Variants in TTK observed in about 807,000 individuals in gnomAD.
The protein encoded by TTK is dual specificity protein kinase TTK.
Under a neutral mutation model 117.3 loss-of-function variants are expected in TTK, and 59 were observed. The observed-to-expected ratio is 0.50, with a 90% confidence interval of 0.41 to 0.62. The LOEUF (loss-of-function observed/expected upper bound fraction) is 0.62, where lower values mean the gene tolerates loss of function less well. Among genes scored for constraint, TTK ranks in the 20% least tolerant of loss-of-function variants. TTK has a pLI of 0.00. For missense variants in TTK, 921 were observed against 989.4 expected, an observed-to-expected ratio of 0.93 and a Z score of 0.93; for synonymous variants, 302 against 325.0, an observed-to-expected ratio of 0.93 and a Z score of 0.76.
rs1235348613 is a variant in TTK at position 80,027,891 on chromosome 6, A to G, written c.1401A>G (p.Arg467=). ...NTLDDYMSCF[R]TPVVKNDFPP... is the part of the protein sequence containing the mutation. ...ATATATATATATTTCCTAGTTTTAG[A>G]ACTCCAGTTGTAAAGAATGACTTTC... Residue 467 remains arginine, a synonymous_variant, in exon 13 of 22, where the codon AGA becomes AGG. Transcript: ENST00000369798. The G allele has an allele frequency of 6.3e-7, 1 of 1,588,890 alleles. No homozygotes were observed. The highest frequency in any genetic ancestry group is 1.4e-5 in the African/African-American group (1 of 73,932).
intron 8 of TTK, among the ~76,000 whole-genome samples, chr6:80,012,860 C>G (rs1767197671): frequency 6.6e-6 from 1 of 151,986 alleles, no homozygotes; most frequent in Non-Finnish European, 1.5e-5. Context: ...AAAACAAAAA[C>G]AGAAAAACTG....
intron 17 of TTK, 108 bp downstream of exon 17, chr6:80,036,707 G>A: frequency 2.5e-6 from 3 of 1,177,952 alleles, no homozygotes; most frequent in Non-Finnish European, 3.4e-6. Flanking sequence ...ATTCTTCAAA[G>A]GATTTGAAGT....
chr6:80,009,494 T>C (rs1767087082), intron 4 of TTK, among the ~76,000 whole-genome samples: 1 of 152,102 alleles, frequency 6.6e-6, no homozygotes. Flanking sequence ...CCTTGCTTGT[T>C]AGAGAAAATT....
intron 12 of TTK, among the ~76,000 whole-genome samples, chr6:80,027,493 C>G (rs151658): frequency 0.62 from 93,939 of 151,890 alleles, 29,486 homozygotes; most frequent in Admixed American, 0.73. Context: ...AAAGGCCAAA[C>G]TCCTGTGATG....
In TTK at chr6:80,014,466, G is replaced by C. The variant is rs763443323; in HGVS notation, c.988G>C (p.Val330Leu). ...TTTGATTTTCTTTTTCATGTAGTCT[G>C]TTCAAAATAGTCATTTCAAGGAACC... ...DSCELRNLKSVQNSHFKEPLV... is the reference protein window; with the variant it reads ...DSCELRNLKSLQNSHFKEPLV... The change falls in exon 10 of 22, where the codon GTT (valine) becomes CTT (leucine). Residue 330 changes from valine (V) to leucine (L), a missense_variant. Physicochemically the swap from Val to Leu is conservative, Grantham distance 32. Transcript: ENST00000369798. 20 of 1,603,304 alleles carry C rather than the reference G, an allele frequency of 1.2e-5. No homozygotes were observed. The highest frequency in any genetic ancestry group is 1.7e-4 in the Middle Eastern group (1 of 5,942).
At chr6:80,025,808 G>C (rs1028728212) in intron 11 of TTK, among the ~76,000 whole-genome samples, 2 of 151,604 alleles carry the variant, frequency 1.3e-5, no homozygotes, top group African/African-American at 4.8e-5. Flanking sequence ...TGCTGCAGCG[G>C]ATGTTCCTTC....
At chr6:80,015,995 A>G (rs1767296647) in intron 10 of TTK, among the ~76,000 whole-genome samples, 1 of 152,228 alleles carries the variant, frequency 6.6e-6, no homozygotes, top group Non-Finnish European at 1.5e-5. Context: ...AGAATGAAAT[A>G]ATACAGTGTG....
rs750351998 is a variant in TTK, at chr6:80,011,512, C to G, written c.692C>G (p.Ser231Cys). The G allele has an allele frequency of 1.9e-6, 3 of 1,608,206 alleles. No homozygotes were observed. Among genetic ancestry groups the G allele is most frequent in the Non-Finnish European group, 2.5e-6 (3 of 1,177,926 alleles). The change falls in exon 6 of 22, where the codon TCC becomes TGC. Residue 231 changes from serine to cysteine, a missense_variant. Ser to Cys is a moderately radical substitution (Grantham distance 112). Transcript: ENST00000369798. The stretch of plus-strand genomic sequence containing the variant: ...CAGAATAGGAACAACAGTTGTGATT[C>G]CAGAGGACAGACTACTAAAGCCAGG... Reference protein sequence around the residue: ...HLQNRNNSCDSRGQTTKARFL... With the variant: ...HLQNRNNSCDCRGQTTKARFL...
At chr6:80,020,354 A>G (rs757825456) in intron 10 of TTK, among the ~76,000 whole-genome samples, 5 of 152,162 alleles carry the variant, frequency 3.3e-5, no homozygotes, top group Non-Finnish European at 7.3e-5. Flanking sequence ...ATGAGTTACT[A>G]ATGATTCTGT....
rs751688474 is a variant in TTK at position 80,034,947 on chromosome 6, A to G, written c.1615-38A>G. ...AGAATCATTGTGTGATAGTGTATAA[A>G]TAGTATATTCTAAACTTCTCTTTGT... On this transcript the variant is annotated intron_variant, in intron 14 of 21. Transcript: ENST00000369798. The G allele has an allele frequency of 2.8e-6, 4 of 1,411,390 alleles. No homozygotes were observed. The Admixed American group carries it at 1.1e-4, about 37-fold the overall frequency. 87.4% of individuals were successfully genotyped at this position (1,411,390 alleles called of 1,614,324 possible). A position where few individuals can be genotyped will look rare whatever the true frequency, so the allele number is the denominator to read the frequency against.
intron 3 of TTK, 45 bp downstream of exon 3, chr6:80,008,076 T>G: frequency 6.3e-7 from 1 of 1,575,412 alleles, no homozygotes; most frequent in Non-Finnish European, 8.7e-7. Flanking sequence ...TTACATAATA[T>G]GTAACTACAC....
At chr6:80,039,175 T>C (rs1767982300) in intron 18 of TTK, among the ~76,000 whole-genome samples, 1 of 152,084 alleles carries the variant, frequency 6.6e-6, no homozygotes, top group African/African-American at 2.4e-5. Context: ...GTTTTTTACT[T>C]TGAAGATGTT....
intron 13 of TTK, among the ~76,000 whole-genome samples, chr6:80,028,610 G>A (rs1441370007): frequency 1.3e-5 from 2 of 152,084 alleles, no homozygotes; most frequent in Non-Finnish European, 2.9e-5. Context: ...GAGCCACTGC[G>A]CCTGGCCAGC....
At chr6:80,039,896 A>G in intron 19 of TTK, 24 bp downstream of exon 19, 1 of 1,437,574 alleles carries the variant, frequency 7.0e-7, no homozygotes, top group Non-Finnish European at 9.2e-7. Context: ...CATGTAACTA[A>G]TTATTTACTT....
intron 18 of TTK, among the ~76,000 whole-genome samples, chr6:80,038,392 G>A (rs1767963531): frequency 6.6e-6 from 1 of 152,042 alleles, no homozygotes; most frequent in African/African-American, 2.4e-5. Flanking sequence ...TGGGCTCCCA[G>A]GCTAACCCTT....
At position 80,005,935 on chromosome 6, in the gene TTK, A is replaced by T. The variant is rs1463272539; in HGVS notation, c.92A>T (p.Asp31Val). The change falls in exon 2 of 22, where the codon GAC becomes GTC. Residue 31 changes from aspartate to valine, a missense_variant. Transcript: ENST00000369798. ...RDIKNKFKNE[D>V]LTDELSLNKI... Reference sequence around the variant, plus strand: ...ATTAAAAATAAGTTTAAAAATGAAGACCTTACTGATGAACTAAGCTTGAAT... The same window carrying T: ...ATTAAAAATAAGTTTAAAAATGAAGTCCTTACTGATGAACTAAGCTTGAAT... The T allele has an allele frequency of 6.2e-7, 1 of 1,612,168 alleles. No homozygotes were observed. The highest frequency in any genetic ancestry group is 8.5e-7 in the Non-Finnish European group (1 of 1,179,496).
intron 20 of TTK, 103 bp downstream of exon 20, chr6:80,040,383 C>A: frequency 9.5e-7 from 1 of 1,047,478 alleles, no homozygotes; most frequent in South Asian, 2.0e-5. Context: ...TACCCTTTGT[C>A]AGCCTGCCTT....
rs1284827029 is a variant in TTK, at chr6:80,026,479, A to G, written c.1359A>G (p.Thr453=). 3.1e-6 allele frequency: 5 copies of G among 1,613,808 alleles called. No homozygotes were observed. The highest frequency in any genetic ancestry group is 1.3e-5 in the African/African-American group (1 of 74,924). ...KWFDPKSICK[T]PSSNTLDDYM... The stretch of plus-strand genomic sequence containing the variant: ...TTGACCCAAAATCTATTTGTAAGAC[A>G]CCAAGCAGCAATACCTTGGATGATT... Residue 453 remains threonine (T), a synonymous_variant, in exon 12 of 22, where the codon ACA becomes ACG. Transcript: ENST00000369798.
chr6:80,008,929 C>CTGTGTGTGTGTA (rs1767068719), intron 4 of TTK, among the ~76,000 whole-genome samples: 1 of 142,300 alleles, frequency 7.0e-6, no homozygotes, highest in South Asian at 2.3e-4. Flanking sequence ...AACTATATAT[C>CTGTGTGTGTGTA]TGTGTGTGTG....
Sources: allele counts gnomAD v4.1 joint callset (sites outside exome capture counted in the v4.1 genomes callset), GRCh38; gene constraint gnomAD v4.1.1; transcripts MANE v1.5; gene names NCBI Gene and HGNC (gene_info 2026-07-23, HGNC 2026-07-21).